PVT1: variants seen among roughly 807,000 people sequenced by gnomAD.
PVT1 encodes Pvt1 oncogene.
chr8:127,875,342 ACTCTGTCTGT>A (rs1258165595), intron 2 of PVT1, among the ~76,000 whole-genome samples: 5 of 129,524 alleles, frequency 3.9e-5, no homozygotes, highest in Non-Finnish European at 8.4e-5. Flanking sequence ...TCTGTCTCTG[ACTCTGTCTGT>A]CTCTGTCTCT....
chr8:128,087,489 G>C (rs1314823527), intron 5 of PVT1, among the ~76,000 whole-genome samples: 1 of 152,102 alleles, frequency 6.6e-6, no homozygotes, highest in Non-Finnish European at 1.5e-5. Context: ...AGGCTGTTAT[G>C]CGTGGCAGAT....
chr8:127,943,505 G>A lies in PVT1; in HGVS notation n.783-45657G>A, dbSNP rs183547755. The stretch of plus-strand genomic sequence containing the variant: ...CAGCCTTGGCGCTGTTCATATTTTG[G>A]GTCAGATGATTTGTTGTGGGGGCTG... On this transcript the variant is annotated intron_variant and non_coding_transcript_variant, in intron 3 of 10. Transcript: ENST00000651587. Among the ~76,000 whole-genome samples the A allele has an allele frequency of 4.5e-3, 683 of 152,266 alleles. 6 individuals are homozygous for A. The highest frequency in any genetic ancestry group is 7.4e-3 in the Non-Finnish European group (504 of 68,016).
At position 128,044,189 on chromosome 8, in the gene PVT1, G is replaced by A. The variant is rs533798620; in HGVS notation, n.913-25971G>A. On this transcript the variant is annotated intron_variant and non_coding_transcript_variant, in intron 4 of 10. Coordinates refer to ENST00000651587, the Ensembl canonical transcript of PVT1. ...GACAAGCCTTTCTTGGCCACTCTAT[G>A]CAGACAGCACCCACCTCGCACCTCC... 8.9e-4 allele frequency among the ~76,000 whole-genome samples: 131 copies of A among 147,658 alleles called. 1 individual carries two copies. The highest frequency in any genetic ancestry group is 1.6e-3 in the Non-Finnish European group (106 of 67,224).
At chr8:128,083,364 C>G (rs1814214247) in intron 5 of PVT1, among the ~76,000 whole-genome samples, 1 of 152,212 alleles carries the variant, frequency 6.6e-6, no homozygotes, top group Non-Finnish European at 1.5e-5. Context: ...GCATCTTGAT[C>G]CCATCATTGG....
At chr8:127,828,067 C>T (rs1162552216) in intron 2 of PVT1, among the ~76,000 whole-genome samples, 2 of 152,076 alleles carry the variant, frequency 1.3e-5, no homozygotes, top group African/African-American at 4.8e-5. Context: ...TTTATTGATC[C>T]CATGGTGAGG....
chr8:127,834,774 A>G (rs1814891020), intron 2 of PVT1, among the ~76,000 whole-genome samples: 1 of 152,152 alleles, frequency 6.6e-6, no homozygotes, highest in Non-Finnish European at 1.5e-5. Flanking sequence ...TGGGCAAAGG[A>G]TGTGAACAGA....
chr8:127,925,653 T>C (rs1013618506), intron 3 of PVT1, among the ~76,000 whole-genome samples: 6 of 152,200 alleles, frequency 3.9e-5, no homozygotes, highest in Non-Finnish European at 8.8e-5. Context: ...TTTTTGTTTT[T>C]TTTTTGAAAT....
chr8:127,806,078 T>A (rs541380603), intron 2 of PVT1, among the ~76,000 whole-genome samples: 2 of 152,270 alleles, frequency 1.3e-5, no homozygotes, highest in East Asian at 1.9e-4. Context: ...ATATCTAGAA[T>A]GTATGCAGAA....
At chr8:127,842,174 C>T (rs922546180) in intron 2 of PVT1, among the ~76,000 whole-genome samples, 4 of 150,534 alleles carry the variant, frequency 2.7e-5, no homozygotes, top group Admixed American at 1.3e-4. Context: ...ATGCTTTCCT[C>T]TTTAAATTTT....
chr8:127,839,411 A>G (rs1814947325), intron 2 of PVT1, among the ~76,000 whole-genome samples: 1 of 151,954 alleles, frequency 6.6e-6, no homozygotes, highest in Non-Finnish European at 1.5e-5. Context: ...TTAGCCGGGC[A>G]TGGTGGCATA....
intron 3 of PVT1, among the ~76,000 whole-genome samples, chr8:127,938,618 T>C (rs1288867431): frequency 1.3e-5 from 2 of 152,220 alleles, no homozygotes; most frequent in Non-Finnish European, 2.9e-5. Context: ...TTAAGGTGTT[T>C]AAAGAAAAAT....
At chr8:127,925,448 A>C (rs1468991547) in intron 3 of PVT1, among the ~76,000 whole-genome samples, 1 of 152,226 alleles carries the variant, frequency 6.6e-6, no homozygotes, top group African/African-American at 2.4e-5. Flanking sequence ...AAGATCTAGA[A>C]GGTTATCTGT....
intron 2 of PVT1, among the ~76,000 whole-genome samples, chr8:127,805,567 T>C (rs935932131): frequency 6.6e-6 from 1 of 152,176 alleles, no homozygotes; most frequent in African/African-American, 2.4e-5. Context: ...TGCTCGCACA[T>C]GTTTATGTGC....
chr8:127,973,440 A>C (rs1178494555), intron 3 of PVT1, among the ~76,000 whole-genome samples: 1 of 152,178 alleles, frequency 6.6e-6, no homozygotes, highest in Non-Finnish European at 1.5e-5. Context: ...CATGGGGGTA[A>C]AATAACATGC....
intron 4 of PVT1, among the ~76,000 whole-genome samples, chr8:128,041,619 G>GTGCGTA (rs145156798): frequency 1.3e-5 from 2 of 148,534 alleles, no homozygotes; most frequent in African/African-American, 5.0e-5. Context: ...TGGTGTGTGT[G>GTGCGTA]TGTGTGTTGT....
intron 2 of PVT1, among the ~76,000 whole-genome samples, chr8:127,866,990 G>A (rs1488367819): frequency 6.6e-6 from 1 of 152,220 alleles, no homozygotes; most frequent in Non-Finnish European, 1.5e-5. Flanking sequence ...CACTGTAGAG[G>A]ATGACTTGAA....
intron 2 of PVT1, chr8:127,855,174 G>A (rs77290463): frequency 0.094 from 37,484 of 398,550 alleles, 2,075 homozygotes; most frequent in African/African-American, 0.17. Context: ...TGTCTGCAGT[G>A]CAGGAAGCCA....
chr8:128,064,092 A>T (rs1813869164), intron 4 of PVT1, among the ~76,000 whole-genome samples: 1 of 152,336 alleles, frequency 6.6e-6, no homozygotes, highest in South Asian at 2.1e-4. Context: ...CATTGCCGCA[A>T]GCATCTGGGT....
intron 3 of PVT1, among the ~76,000 whole-genome samples, chr8:127,928,916 A>G (rs1282067542): frequency 6.6e-6 from 1 of 152,206 alleles, no homozygotes; most frequent in Non-Finnish European, 1.5e-5. Flanking sequence ...GCGACTTCCA[A>G]CCTCAGGAAA....
Sources: gnomAD v4.1 joint callset for allele counts (sites outside exome capture counted in the v4.1 genomes callset) on GRCh38, gnomAD v4.1.1 for gene constraint, MANE v1.5 for transcripts, NCBI Gene and HGNC (gene_info 2026-07-23, HGNC 2026-07-21) for gene names.